The following NXN variants were observed in gnomAD, a reference collection of about 807,000 sequenced individuals.
The protein encoded by NXN is nucleoredoxin 1.
NXN carries 16 observed loss-of-function variants against 48.6 expected under a neutral mutation model. The observed-to-expected ratio is 0.33, with a 90% CI of 0.22 to 0.50. NXN has a LOEUF of 0.50. Among genes scored for constraint, NXN ranks in the 20% least tolerant of loss-of-function variants. The pLI is 0.98. For missense variants in NXN, 492 were observed against 605.5 expected, an observed-to-expected ratio of 0.81 and a Z score of 1.97; for synonymous variants, 281 against 269.6, an observed-to-expected ratio of 1.04 and a Z score of -0.41.
rs117514876 is a variant in NXN at position 838,523 on chromosome 17, A to G, written c.361-12445T>C. ...ATCAGCTGTGACTTACAACACTCTAATCAAAGTGCCACAGGGATGAAAGTG... is the reference window on the plus strand; with the variant it reads ...ATCAGCTGTGACTTACAACACTCTAGTCAAAGTGCCACAGGGATGAAAGTG... On this transcript the variant is annotated intron_variant, in intron 1 of 7. Coordinates refer to ENST00000336868, the MANE Select transcript of NXN (RefSeq NM_022463.5). Among the ~76,000 whole-genome samples, 17 of 152,322 alleles carry G rather than the reference A, an allele frequency of 1.1e-4. No homozygotes were observed. In the East Asian group the frequency reaches 3.3e-3, roughly 29 times the overall value.
chr17:942,461 T>C (rs1387351475), intron 1 of NXN, among the ~76,000 whole-genome samples: 6 of 52,292 alleles, frequency 1.1e-4, no homozygotes, highest in African/African-American at 2.6e-4. Context: ...GATTCCAGGG[T>C]GCAGCCATGA....
chr17:809,490 G>A (rs2144587691), intron 5 of NXN, among the ~76,000 whole-genome samples: 1 of 152,284 alleles, frequency 6.6e-6, no homozygotes, highest in Admixed American at 6.5e-5. Context: ...TGGGGGCTGG[G>A]GCAAGGAAGC....
rs2067904566 is a variant in NXN, at chr17:849,802, G to A, written c.361-23724C>T. Among the ~76,000 whole-genome samples the A allele has an allele frequency of 6.6e-6, 1 of 152,160 alleles. No individual in the cohort carries two copies. The highest frequency in any genetic ancestry group is 2.4e-5 in the African/African-American group (1 of 41,440). ...AGGGCAGGCAGGGGTCGCCTTGCTG[G>A]GCCAGGGACAGCAGAGAGAAATGGA... On this transcript the variant is annotated intron_variant, in intron 1 of 7. Coordinates refer to ENST00000336868, the MANE Select transcript of NXN (RefSeq NM_022463.5). This position sits in a 1 kb window ranked among gnomAD's most constrained non-coding sequence, Gnocchi z 4.2.
At chr17:855,532 G>C (rs373997673) in intron 1 of NXN, among the ~76,000 whole-genome samples, 45 of 152,262 alleles carry the variant, frequency 3.0e-4, no homozygotes, top group African/African-American at 1.0e-3. Flanking sequence ...TCACGAACAG[G>C]TTTGTTGAAA....
At chr17:902,521 C>G (rs562191321) in intron 1 of NXN, among the ~76,000 whole-genome samples, 2 of 152,130 alleles carry the variant, frequency 1.3e-5, no homozygotes, top group Non-Finnish European at 2.9e-5. Context: ...GTCCCCTCCC[C>G]CAAAAGGTGA....
chr17:848,653 A>C (rs760617463), intron 1 of NXN, among the ~76,000 whole-genome samples: 152 of 152,326 alleles, frequency 1.0e-3, no homozygotes, highest in Middle Eastern at 3.4e-3. Context: ...ACTTCCAAAC[A>C]GCGAACTCAA....
At chr17:876,208 GA>G (rs1464025424) in intron 1 of NXN, among the ~76,000 whole-genome samples, 2 of 144,792 alleles carry the variant, frequency 1.4e-5, no homozygotes, top group Non-Finnish European at 3.0e-5. Flanking sequence ...AGAAAAGAAA[GA>G]AAAGAAAAGA....
chr17:972,160 C>T (rs567934534), intron 1 of NXN, among the ~76,000 whole-genome samples: 17 of 152,150 alleles, frequency 1.1e-4, no homozygotes, highest in African/African-American at 2.4e-4. Context: ...ATTAGCCGGG[C>T]GTGGTGGCAC....
chr17:853,263 G>A (rs1041757457), intron 1 of NXN, among the ~76,000 whole-genome samples: 1 of 152,128 alleles, frequency 6.6e-6, no homozygotes, highest in Non-Finnish European at 1.5e-5. Context: ...GGCCAGCACG[G>A]TGAAACCTCG....
intron 1 of NXN, chr17:909,917 G>A (rs947887808): frequency 2.0e-5 from 3 of 152,122 alleles, no homozygotes; most frequent in African/African-American, 2.4e-5. Context: ...AGAGGACAAC[G>A]TCTTAAAAAA....
chr17:966,386 T>C (rs1419091885), intron 1 of NXN, among the ~76,000 whole-genome samples: 2 of 152,074 alleles, frequency 1.3e-5, no homozygotes, highest in East Asian at 3.9e-4. Flanking sequence ...TCGCTCTTGT[T>C]ACCCAGGCCG....
chr17:952,049 G>A (rs537158151), intron 1 of NXN, among the ~76,000 whole-genome samples: 8 of 152,160 alleles, frequency 5.3e-5, no homozygotes, highest in African/African-American at 1.9e-4. Flanking sequence ...TGAAAGAAGG[G>A]GCGTTTCCGT....
chr17:883,694 T>C (rs2068310445), intron 1 of NXN, among the ~76,000 whole-genome samples: 3 of 152,234 alleles, frequency 2.0e-5, no homozygotes, highest in Admixed American at 2.0e-4. Context: ...TCCCATCATA[T>C]ACAGAAGCCA....
At chr17:918,662 G>A (rs1224668142) in intron 1 of NXN, among the ~76,000 whole-genome samples, 1 of 151,848 alleles carries the variant, frequency 6.6e-6, no homozygotes, top group Non-Finnish European at 1.5e-5. Context: ...GCGCGGTGGT[G>A]GGCGGCTGTA....
At chr17:872,636 T>TC (rs1469937417) in intron 1 of NXN, among the ~76,000 whole-genome samples, 1 of 148,200 alleles carries the variant, frequency 6.7e-6, no homozygotes, top group East Asian at 2.0e-4. Context: ...TTTTTTTTTT[T>TC]TGAGACGGAG....
intron 1 of NXN, among the ~76,000 whole-genome samples, chr17:842,762 A>AC: frequency 6.6e-6 from 1 of 152,026 alleles, no homozygotes; most frequent in South Asian, 2.1e-4. Flanking sequence ...ATATGGTGAA[A>AC]CCCCCGTCTC....
chr17:808,350 T>A (rs958474484), intron 5 of NXN, among the ~76,000 whole-genome samples: 1 of 151,328 alleles, frequency 6.6e-6, no homozygotes, highest in African/African-American at 2.4e-5. Flanking sequence ...CTGCCCAGGC[T>A]GGAGTGCAGT....
chr17:948,407 G>A (rs929752717), intron 1 of NXN, among the ~76,000 whole-genome samples: 7 of 152,070 alleles, frequency 4.6e-5, no homozygotes, highest in East Asian at 1.9e-4. Flanking sequence ...AGATGTACAC[G>A]GGTTATATGT....
At chr17:841,489 GA>G in intron 1 of NXN, among the ~76,000 whole-genome samples, 1 of 65,036 alleles carries the variant, frequency 1.5e-5, no homozygotes, top group Non-Finnish European at 2.9e-5. Flanking sequence ...GGTCCCCCCT[GA>G]CCACGGCGCA....
Sources: allele counts gnomAD v4.1 joint callset (sites outside exome capture counted in the v4.1 genomes callset), GRCh38; gene constraint gnomAD v4.1.1; non-coding constraint Gnocchi (gnomAD v3.1); transcripts MANE v1.5; gene names NCBI Gene and HGNC (gene_info 2026-07-23, HGNC 2026-07-21).